Variants in TUSC3 observed in about 807,000 individuals in gnomAD.
TUSC3 encodes tumor suppressor candidate 3.
In TUSC3, 45 loss-of-function variants were observed where a neutral mutation model predicts 44.8. The observed-to-expected ratio is 1.00, with a 90% confidence interval of 0.79 to 1.29. The LOEUF is 1.29. Ranked by LOEUF, TUSC3 falls within the 50% of genes most tolerant of loss-of-function variation. The pLI, the probability that TUSC3 is intolerant of heterozygous loss-of-function variation, is 0.00. For missense variants in TUSC3, 519 were observed against 437.9 expected (o/e 1.19, Z -1.65); for synonymous variants, 212 against 152.9 (o/e 1.39, Z -2.85).
In TUSC3 at chr8:15,508,043, G is replaced by A. The variant is rs539763162; in HGVS notation, n.189+24560G>A. On this transcript the variant is annotated intron_variant and non_coding_transcript_variant, in intron 2 of 5. Coordinates refer to the TUSC3 transcript ENST00000503191. The stretch of plus-strand genomic sequence containing the variant: ...GATCACTTGAAGCCAGGAGTTCACG[G>A]CCAGCCTGGTCAACATGGGGAAACC... Among the ~76,000 whole-genome samples, 8 of 152,120 alleles carry A rather than the reference G, an allele frequency of 5.3e-5. No individual in the cohort carries two copies. The East Asian group carries it at 1.6e-3, about 30-fold the overall frequency.
intron 1 of TUSC3, among the ~76,000 whole-genome samples, chr8:15,460,239 G>T (rs781488315): frequency 2.0e-5 from 3 of 152,126 alleles, no homozygotes; most frequent in Non-Finnish European, 4.4e-5. Context: ...TTCTTGTGGA[G>T]TAAGTTGGTA....
chr8:15,443,251 G>A (rs2129118756), intron 1 of TUSC3, among the ~76,000 whole-genome samples: 1 of 151,670 alleles, frequency 6.6e-6, no homozygotes, highest in South Asian at 2.1e-4. Flanking sequence ...ACAGCTCACT[G>A]CAGTCTCGAG....
intron 1 of TUSC3, among the ~76,000 whole-genome samples, chr8:15,430,918 T>G (rs1435921746): frequency 1.3e-5 from 2 of 151,776 alleles, no homozygotes; most frequent in Non-Finnish European, 2.9e-5. Context: ...AGACTGTCCT[T>G]TCCCCATTGT....
intron 2 of TUSC3, among the ~76,000 whole-genome samples, chr8:15,624,027 T>C (rs556749978): frequency 1.5e-4 from 23 of 152,334 alleles, no homozygotes; most frequent in Middle Eastern, 3.4e-3. Flanking sequence ...TCCATTTCTA[T>C]AATTTTGTCA....
chr8:15,647,492 T>C (rs370928211), intron 2 of TUSC3, among the ~76,000 whole-genome samples: 2 of 152,182 alleles, frequency 1.3e-5, no homozygotes, highest in African/African-American at 4.8e-5. Context: ...TTAGAATCTA[T>C]TCTTTTCATC....
chr8:15,758,723 C>A (rs1033227867), intron 10 of TUSC3, among the ~76,000 whole-genome samples: 7 of 152,026 alleles, frequency 4.6e-5, no homozygotes, highest in Non-Finnish European at 8.8e-5. Context: ...CTTCTCCCCC[C>A]AGATTGACTA....
At chr8:15,480,720 ACCT>A (rs1800647014) in intron 1 of TUSC3, among the ~76,000 whole-genome samples, 2 of 151,988 alleles carry the variant, frequency 1.3e-5, no homozygotes, top group South Asian at 4.1e-4. Context: ...GAATGTCCTA[ACCT>A]CCTCCTCTTA....
At chr8:15,561,739 A>T (rs1256921321) in intron 1 of TUSC3, 1 of 146,268 alleles carries the variant, frequency 6.8e-6, no homozygotes. Context: ...GGAAAAGCGC[A>T]GTATTCGGGT....
chr8:15,502,709 T>A (rs1800984360), intron 2 of TUSC3, among the ~76,000 whole-genome samples: 1 of 152,206 alleles, frequency 6.6e-6, no homozygotes, highest in East Asian at 1.9e-4. Context: ...GCCAGGATGG[T>A]CTTGATCTCC....
chr8:15,590,935 G>C (rs1002715273), intron 1 of TUSC3, among the ~76,000 whole-genome samples: 3 of 152,234 alleles, frequency 2.0e-5, no homozygotes, highest in Non-Finnish European at 2.9e-5. Context: ...TGGCCTCCCA[G>C]AGTGCTTGAA....
At chr8:15,614,558 T>G (rs79360583) in intron 1 of TUSC3, among the ~76,000 whole-genome samples, 2 of 152,164 alleles carry the variant, frequency 1.3e-5, no homozygotes, top group Admixed American at 1.3e-4. Flanking sequence ...TGGTCTGTTA[T>G]GTCTGGCTTC....
At chr8:15,809,490 A>AC in the TUSC3 span, among the ~76,000 whole-genome samples, 14 of 149,456 alleles carry the variant, frequency 9.4e-5, no homozygotes, top group Admixed American at 2.0e-4. Flanking sequence ...ACATTCCAAG[A>AC]CCCCCCCTGT....
intron 1 of TUSC3, among the ~76,000 whole-genome samples, chr8:15,547,970 A>T (rs1271710559): frequency 1.3e-5 from 2 of 151,622 alleles, no homozygotes; most frequent in Non-Finnish European, 2.9e-5. Flanking sequence ...TGTTATTTTT[A>T]ACTTTATTTT....
At chr8:15,549,214 G>T (rs532740487) in intron 1 of TUSC3, among the ~76,000 whole-genome samples, 1 of 151,438 alleles carries the variant, frequency 6.6e-6, no homozygotes, top group Non-Finnish European at 1.5e-5. Context: ...TTGCTCTGTC[G>T]CCCAGGCTGG....
the TUSC3 span, among the ~76,000 whole-genome samples, chr8:15,814,082 A>G: frequency 6.6e-6 from 1 of 152,152 alleles, no homozygotes; most frequent in African/African-American, 2.4e-5. Flanking sequence ...ATTTATCTGT[A>G]TCTTGGAAAC....
At chr8:15,636,998 A>T (rs545468017) in intron 2 of TUSC3, among the ~76,000 whole-genome samples, 52 of 152,228 alleles carry the variant, frequency 3.4e-4, no homozygotes, top group Non-Finnish European at 6.5e-4. Context: ...GTATATTTTA[A>T]ATTTTTTCAC....
chr8:15,621,332 C>T (rs1368856595), intron 1 of TUSC3, among the ~76,000 whole-genome samples: 2 of 151,226 alleles, frequency 1.3e-5, no homozygotes, highest in East Asian at 3.9e-4. Flanking sequence ...TGGTGCTTAA[C>T]ATGGAAAATA....
chr8:15,658,657 C>CACACAT (rs1186873286), intron 3 of TUSC3, among the ~76,000 whole-genome samples: 12 of 150,606 alleles, frequency 8.0e-5, no homozygotes, highest in African/African-American at 2.9e-4. Context: ...CACACACACA[C>CACACAT]ACAAATACAA....
chr8:15,722,502 C>G (rs1416758705), intron 6 of TUSC3, among the ~76,000 whole-genome samples: 2 of 152,082 alleles, frequency 1.3e-5, no homozygotes, highest in African/African-American at 4.8e-5. Flanking sequence ...CTCAGTTTCT[C>G]TCTTCCTATA....
Sources: allele counts gnomAD v4.1 joint callset (sites outside exome capture counted in the v4.1 genomes callset), GRCh38; gene constraint gnomAD v4.1.1; transcripts MANE v1.5; gene names NCBI Gene and HGNC (gene_info 2026-07-23, HGNC 2026-07-21).